The following CSMD1 variants were observed in gnomAD, a reference collection of about 807,000 sequenced individuals.
CSMD1 encodes CUB and Sushi multiple domains 1.
CSMD1 carries 213 observed loss-of-function variants against 417.5 expected under a neutral mutation model. The observed-to-expected ratio is 0.51, with a 90% confidence interval of 0.46 to 0.57. The LOEUF (loss-of-function observed/expected upper bound fraction) is 0.57, where lower values mean the gene tolerates loss of function less well. Among genes scored for constraint, CSMD1 ranks in the 20% least tolerant of loss-of-function variants. The pLI, the probability that CSMD1 is intolerant of heterozygous loss-of-function variation, is 0.00. For missense variants in CSMD1, 6,923 were observed against 4,529.7 expected (o/e 1.53, Z -15.17); for synonymous variants, 2,862 against 1,736.8 (o/e 1.65, Z -16.11).
chr8:3,873,616 C>A (rs984060432), intron 5 of CSMD1, among the ~76,000 whole-genome samples: 1 of 152,004 alleles, frequency 6.6e-6, no homozygotes, highest in Non-Finnish European at 1.5e-5. Flanking sequence ...CGGCATAATA[C>A]CTGAGTGGTG....
At chr8:4,618,998 A>G (rs576845280) in intron 2 of CSMD1, among the ~76,000 whole-genome samples, 12 of 152,328 alleles carry the variant, frequency 7.9e-5, no homozygotes, top group Admixed American at 2.6e-4. Context: ...GAAGGAGATT[A>G]AAATACTGCA....
Position 3,110,486 on chromosome 8 carries a change from C to G in CSMD1, c.6431-151G>C, listed in dbSNP as rs1251109858. Among the ~76,000 whole-genome samples, 7 of 152,190 alleles carry G rather than the reference C, an allele frequency of 4.6e-5. No individual in the cohort carries two copies. In the East Asian group the frequency reaches 1.3e-3, roughly 29 times the overall value. ...CTGAATCACCATTTTGTCAAAATTA[C>G]TGCCCTAAAATCTGAAGACCTTAGA... On this transcript the variant is annotated intron_variant, in intron 42 of 69. Coordinates refer to ENST00000635120, the MANE Select transcript of CSMD1 (RefSeq NM_033225.6).
At chr8:4,349,520 C>G (rs924219365) in intron 3 of CSMD1, among the ~76,000 whole-genome samples, 1 of 152,132 alleles carries the variant, frequency 6.6e-6, no homozygotes, top group Non-Finnish European at 1.5e-5. Context: ...TTTTCCCTTT[C>G]AACAGCCTTT....
intron 1 of CSMD1, among the ~76,000 whole-genome samples, chr8:4,793,633 C>G (rs1797813714): frequency 6.6e-6 from 1 of 151,992 alleles, no homozygotes; most frequent in Non-Finnish European, 1.5e-5. Context: ...AAATACAGCA[C>G]TAATTATTGC....
rs180978006 is a variant in CSMD1 at position 4,702,315 on chromosome 8, G to T, written c.86-64757C>A. On this transcript the variant is annotated intron_variant, in intron 1 of 69. Transcript: ENST00000635120. ...TTGCTTCTGAGACCTGCATGGCCATGGGCCTCTGACTGGATTAGGAATCTT... is the reference window on the plus strand; with the variant it reads ...TTGCTTCTGAGACCTGCATGGCCATTGGCCTCTGACTGGATTAGGAATCTT... Among the ~76,000 whole-genome samples, 3 of 152,238 alleles carry T rather than the reference G, an allele frequency of 2.0e-5. No homozygotes were observed. The South Asian group carries it at 6.2e-4, about 32-fold the overall frequency.
chr8:4,142,033 G>T (rs1459386275), intron 3 of CSMD1, among the ~76,000 whole-genome samples: 1 of 142,998 alleles, frequency 7.0e-6, no homozygotes, highest in Non-Finnish European at 1.5e-5. Flanking sequence ...TATATTCAAA[G>T]ATGTTTTAAA....
At chr8:4,371,528 G>A (rs1802396605) in intron 3 of CSMD1, among the ~76,000 whole-genome samples, 1 of 152,136 alleles carries the variant, frequency 6.6e-6, no homozygotes, top group South Asian at 2.1e-4. Flanking sequence ...TATGCAAAGA[G>A]ACAATATCGT....
chr8:4,370,961 C>T (rs114211515), intron 3 of CSMD1, among the ~76,000 whole-genome samples: 1,643 of 152,266 alleles, frequency 0.011, 29 homozygotes, highest in African/African-American at 0.037. Flanking sequence ...CCATTGCTGG[C>T]GAGCTAGTGT....
At chr8:3,559,260 C>T (rs934186135) in intron 10 of CSMD1, among the ~76,000 whole-genome samples, 21 of 152,126 alleles carry the variant, frequency 1.4e-4, no homozygotes, top group African/African-American at 4.8e-4. Context: ...AGAATTTGTC[C>T]TATGGAAATA....
At chr8:3,826,747 G>C (rs1477965930) in intron 5 of CSMD1, among the ~76,000 whole-genome samples, 1 of 151,992 alleles carries the variant, frequency 6.6e-6, no homozygotes, top group East Asian at 1.9e-4. Context: ...ATCCCTAGGA[G>C]GACTCACTTA....
At chr8:3,219,215 T>C (rs1370435245) in intron 29 of CSMD1, 40 bp downstream of exon 29, 7 of 1,510,518 alleles carry the variant, frequency 4.6e-6, no homozygotes, top group Non-Finnish European at 3.6e-6. Context: ...ACAGTCCTGA[T>C]ACAAATTAAT....
rs565768643 is a variant in CSMD1, at chr8:3,305,259, A to G, written c.3950+2436T>C. Among the ~76,000 whole-genome samples the G allele has an allele frequency of 2.6e-5, 4 of 152,328 alleles. No homozygotes were observed. In the South Asian group the frequency reaches 8.3e-4, roughly 32 times the overall value. On this transcript the variant is annotated intron_variant, in intron 25 of 69. Coordinates refer to ENST00000635120, the MANE Select transcript of CSMD1 (RefSeq NM_033225.6). Reference sequence around the variant, plus strand: ...AAATATTAAATTCTGTTACTCAGCTATAACTTAGTGTTGTCCCAACAGATC... The same window carrying G: ...AAATATTAAATTCTGTTACTCAGCTGTAACTTAGTGTTGTCCCAACAGATC...
chr8:3,953,307 T>C (rs375020704), intron 5 of CSMD1, among the ~76,000 whole-genome samples: 1 of 152,168 alleles, frequency 6.6e-6, no homozygotes, highest in East Asian at 1.9e-4. Flanking sequence ...TCTCATAAAA[T>C]AAAAGATTAT....
intron 8 of CSMD1, among the ~76,000 whole-genome samples, chr8:3,595,973 A>G (rs912435630): frequency 6.6e-6 from 1 of 152,148 alleles, no homozygotes; most frequent in Non-Finnish European, 1.5e-5. Context: ...CCTGAGATCC[A>G]AGGTGAAAGC....
At chr8:3,100,433 T>G (rs917424987) in intron 46 of CSMD1, among the ~76,000 whole-genome samples, 1 of 152,220 alleles carries the variant, frequency 6.6e-6, no homozygotes, top group African/African-American at 2.4e-5. Flanking sequence ...TTATAAACTG[T>G]TGCTTAGAGC....
At chr8:3,223,992 G>T in intron 27 of CSMD1, 125 bp from the exon 28 acceptor site, 1 of 833,684 alleles carries the variant, frequency 1.2e-6, no homozygotes, top group Non-Finnish European at 1.8e-6. Flanking sequence ...CAGTCCAAGA[G>T]ATTGTGTGTT....
At chr8:3,235,581 T>C (rs929522719) in intron 26 of CSMD1, among the ~76,000 whole-genome samples, 3 of 152,136 alleles carry the variant, frequency 2.0e-5, no homozygotes, top group African/African-American at 7.2e-5. Context: ...CTTCTAAAAA[T>C]CATTGTTTAA....
At chr8:4,126,389 G>C (rs1438098387) in intron 3 of CSMD1, among the ~76,000 whole-genome samples, 1 of 152,162 alleles carries the variant, frequency 6.6e-6, no homozygotes, top group Non-Finnish European at 1.5e-5. Flanking sequence ...ATTCACACCA[G>C]AATGGTGCCA....
chr8:3,001,034 C>T (rs1807363816), intron 52 of CSMD1, among the ~76,000 whole-genome samples: 2 of 151,356 alleles, frequency 1.3e-5, no homozygotes, highest in African/African-American at 4.9e-5. Flanking sequence ...AGCTGGAATG[C>T]AGTGGCACCA....
Sources: allele counts gnomAD v4.1 joint callset (sites outside exome capture counted in the v4.1 genomes callset), GRCh38; gene constraint gnomAD v4.1.1; transcripts MANE v1.5; gene names NCBI Gene and HGNC (gene_info 2026-07-23, HGNC 2026-07-21).